ARHGEF26: variants seen among roughly 807,000 people sequenced by gnomAD.
ARHGEF26 encodes Rho guanine nucleotide exchange factor (GEF) 26.
A neutral mutation model predicts 89.4 loss-of-function variants in ARHGEF26; 59 were observed. The observed-to-expected ratio is 0.66, with a 90% CI of 0.54 to 0.82. The LOEUF (loss-of-function observed/expected upper bound fraction) is 0.82, where lower values mean the gene tolerates loss of function less well. Ranked by LOEUF, ARHGEF26 falls within the 40% of genes least tolerant of loss-of-function variation. The pLI, the probability that ARHGEF26 is intolerant of heterozygous loss-of-function variation, is 0.00. For missense variants in ARHGEF26, 1,234 were observed against 1,085.6 expected (o/e 1.14, Z -1.92); for synonymous variants, 500 against 428.4 (o/e 1.17, Z -2.06).
intron 14 of ARHGEF26, among the ~76,000 whole-genome samples, 176 bp from the exon 15 acceptor site, chr3:154,255,155 G>A (rs951654133): frequency 2.0e-5 from 3 of 151,892 alleles, no homozygotes; most frequent in African/African-American, 4.8e-5. Flanking sequence ...CTCTGCTCAC[G>A]TTCTTTCCCT....
chr3:154,172,555 G>C (rs976787711), intron 6 of ARHGEF26, among the ~76,000 whole-genome samples: 1 of 152,146 alleles, frequency 6.6e-6, no homozygotes, highest in African/African-American at 2.4e-5. Context: ...TTAGCTGGGC[G>C]TGGTGGTGTG....
Position 154,122,157 on chromosome 3 carries a change from C to T in ARHGEF26, c.165C>T (p.Asp55=), listed in dbSNP as rs774029344. 7 of 1,600,454 alleles carry T rather than the reference C, an allele frequency of 4.4e-6. No homozygotes were observed. The highest frequency in any genetic ancestry group is 1.1e-5 in the South Asian group (1 of 89,106). The change falls in exon 2 of 15, where the codon GAC becomes GAT. Residue 55 remains aspartate, a synonymous_variant. Transcript: ENST00000465093. The part of the protein sequence containing the change: ...GLLITDFPVE[D]GGTLLAAQIP... Reference sequence around the variant, plus strand: ...TAATTACGGATTTCCCGGTGGAGGACGGAGGGACGCTCCTCGCAGCGCAGA... The same window carrying T: ...TAATTACGGATTTCCCGGTGGAGGATGGAGGGACGCTCCTCGCAGCGCAGA...
intron 6 of ARHGEF26, among the ~76,000 whole-genome samples, chr3:154,169,797 C>T (rs1251571513): frequency 6.6e-6 from 1 of 152,096 alleles, no homozygotes; most frequent in Non-Finnish European, 1.5e-5. Flanking sequence ...TAAACTGAAA[C>T]ACTCAGAAAA....
chr3:154,218,383 T>G (rs1193506830), intron 10 of ARHGEF26, among the ~76,000 whole-genome samples: 2 of 152,230 alleles, frequency 1.3e-5, no homozygotes, highest in African/African-American at 4.8e-5. Context: ...AAACAGATCG[T>G]TAATGGATAA....
At chr3:154,224,660 G>A (rs1417338382) in intron 10 of ARHGEF26, among the ~76,000 whole-genome samples, 1 of 152,170 alleles carries the variant, frequency 6.6e-6, no homozygotes, top group Non-Finnish European at 1.5e-5. Context: ...TAAGGTTTCA[G>A]CTGTCTCTGT....
chr3:154,256,762 T>C lies in ARHGEF26; in HGVS notation c.*1289T>C, dbSNP rs1576841027. On this transcript the variant is annotated 3_prime_UTR_variant, in exon 15 of 15. Transcript: ENST00000465093. ...CAGCATGGTACCCAATTGAAACCTT[T>C]TGACCTTAGTGGGAATTCATTCTAT... 5 of 1,446,978 alleles carry C rather than the reference T, an allele frequency of 3.5e-6. No individual in the cohort carries two copies. In the African/African-American group the frequency reaches 5.7e-5, roughly 17 times the overall value. The allele number at this position is 1,446,978 out of a possible 1,614,324, so 89.6% of individuals were successfully genotyped here.
intron 6 of ARHGEF26, among the ~76,000 whole-genome samples, chr3:154,172,748 T>C (rs148968319): frequency 8.2e-4 from 125 of 152,260 alleles, no homozygotes; most frequent in African/African-American, 2.6e-3. Context: ...ATAGAACAGA[T>C]ACATTCATTC....
At chr3:154,163,162 A>G (rs1711772524) in intron 6 of ARHGEF26, among the ~76,000 whole-genome samples, 1 of 152,180 alleles carries the variant, frequency 6.6e-6, no homozygotes, top group Non-Finnish European at 1.5e-5. Flanking sequence ...GTGTTTATTT[A>G]GAAGTTTGGT....
intron 10 of ARHGEF26, among the ~76,000 whole-genome samples, chr3:154,219,696 G>A (rs1391255991): frequency 6.6e-6 from 1 of 151,786 alleles, no homozygotes; most frequent in African/African-American, 2.4e-5. Context: ...GTGATTAACT[G>A]AGGTCAGGAG....
At chr3:154,247,172 C>G (rs1452983243) in intron 12 of ARHGEF26, among the ~76,000 whole-genome samples, 2 of 152,284 alleles carry the variant, frequency 1.3e-5, no homozygotes, top group South Asian at 2.1e-4. Context: ...TAGTTTGCCT[C>G]TCACACCTAT....
chr3:154,198,364 A>G (rs946853840), intron 9 of ARHGEF26, among the ~76,000 whole-genome samples: 12 of 152,326 alleles, frequency 7.9e-5, no homozygotes, highest in East Asian at 3.9e-4. Flanking sequence ...CAATCCAGCA[A>G]TCCCACTACT....
chr3:154,202,714 T>G (rs1408857071), intron 9 of ARHGEF26, among the ~76,000 whole-genome samples: 1 of 150,668 alleles, frequency 6.6e-6, no homozygotes, highest in East Asian at 2.0e-4. Context: ...AAGAGGTCCT[T>G]CATGTCCCTT....
chr3:154,170,765 A>G (rs1712380285), intron 6 of ARHGEF26, among the ~76,000 whole-genome samples: 1 of 152,216 alleles, frequency 6.6e-6, no homozygotes, highest in South Asian at 2.1e-4. Flanking sequence ...TGATTAGAGT[A>G]ATTGCATCTC....
chr3:154,245,434 T>C (rs1717746964), intron 12 of ARHGEF26, among the ~76,000 whole-genome samples: 1 of 152,200 alleles, frequency 6.6e-6, no homozygotes, highest in African/African-American at 2.4e-5. Flanking sequence ...TAAATAGATA[T>C]TGCATCCCCA....
chr3:154,255,330 G>A lies in ARHGEF26; in HGVS notation c.2474-1G>A. On this transcript the variant is annotated splice_acceptor_variant, in intron 14 of 14. Coordinates refer to ENST00000465093, the MANE Select transcript of ARHGEF26 (RefSeq NM_015595.4). LOFTEE classifies it high-confidence loss of function. ...GGTGTGGACTCTGTTCTTTTTCACA[G>A]GCTGGTATGAGGGGGAACGACTACG... The A allele has an allele frequency of 6.2e-7, 1 of 1,611,810 alleles. No homozygotes were observed. The highest frequency in any genetic ancestry group is 8.5e-7 in the Non-Finnish European group (1 of 1,178,900).
Position 154,231,559 on chromosome 3 carries a change from T to C in ARHGEF26, c.2090+5549T>C, listed in dbSNP as rs1424296040. Among the ~76,000 whole-genome samples the C allele has an allele frequency of 2.1e-5, 3 of 140,644 alleles. No homozygotes were observed. The East Asian group carries it at 6.3e-4, about 29-fold the overall frequency. 92.3% of individuals were successfully genotyped at this position (140,644 alleles called of 152,430 possible). A position where few individuals can be genotyped will look rare whatever the true frequency, so the allele number is the denominator to read the frequency against. On this transcript the variant is annotated intron_variant, in intron 11 of 14. Transcript: ENST00000465093. Reference sequence around the variant, plus strand: ...ATAGTCCTGCTAAGTAACTGATACATGCTATCATTAAGATTATTTTTGGTA... The same window carrying C: ...ATAGTCCTGCTAAGTAACTGATACACGCTATCATTAAGATTATTTTTGGTA...
At chr3:154,196,664 T>C (rs1559891724) in intron 9 of ARHGEF26, among the ~76,000 whole-genome samples, 1 of 152,122 alleles carries the variant, frequency 6.6e-6, no homozygotes, top group Non-Finnish European at 1.5e-5. Context: ...TGCACACCTA[T>C]TTTGGGAACA....
At chr3:154,154,976 T>C (rs1380590427) in intron 6 of ARHGEF26, among the ~76,000 whole-genome samples, 1 of 152,118 alleles carries the variant, frequency 6.6e-6, no homozygotes, top group Non-Finnish European at 1.5e-5. Context: ...TATACTATTT[T>C]GTAAGATACT....
intron 4 of ARHGEF26, among the ~76,000 whole-genome samples, chr3:154,138,644 C>A (rs1719166457): frequency 6.6e-6 from 1 of 152,190 alleles, no homozygotes; most frequent in South Asian, 2.1e-4. Context: ...GAGATGAAAA[C>A]ACGGTTAGTT....
Sources: gnomAD v4.1 joint callset for allele counts (sites outside exome capture counted in the v4.1 genomes callset) on GRCh38, gnomAD v4.1.1 for gene constraint, MANE v1.5 for transcripts, NCBI Gene and HGNC (gene_info 2026-07-23, HGNC 2026-07-21) for gene names.